CUEDC1: variants seen among roughly 807,000 people sequenced by gnomAD.
CUEDC1 encodes CUE domain-containing protein 1.
A neutral mutation model predicts 43.7 loss-of-function variants in CUEDC1; 30 were observed. The observed-to-expected ratio is 0.69, with a 90% CI of 0.51 to 0.93. The LOEUF is 0.93. CUEDC1 is among the 40% of genes least tolerant of loss of function. CUEDC1 has a pLI of 0.00. For missense variants in CUEDC1, 486 were observed against 549.0 expected, an observed-to-expected ratio of 0.89 and a Z score of 1.15; for synonymous variants, 223 against 223.6, an observed-to-expected ratio of 1.00 and a Z score of 0.02.
intron 1 of CUEDC1, among the ~76,000 whole-genome samples, chr17:57,921,670 C>T (rs1220862749): frequency 5.9e-5 from 9 of 152,198 alleles, no homozygotes; most frequent in Non-Finnish European, 5.9e-5. Context: ...CCTGTCTGGG[C>T]GCAGTGGCTG....
chr17:57,896,991 G>A (rs1462207061), intron 1 of CUEDC1, among the ~76,000 whole-genome samples: 1 of 151,814 alleles, frequency 6.6e-6, no homozygotes. Context: ...GGCTGGTCTC[G>A]AACTCCTGAC....
At chr17:57,906,574 C>T (rs2074531565) in intron 1 of CUEDC1, among the ~76,000 whole-genome samples, 1 of 152,132 alleles carries the variant, frequency 6.6e-6, no homozygotes, top group Non-Finnish European at 1.5e-5. Flanking sequence ...CTACTAAATG[C>T]CACTGAATTA....
chr17:57,938,178 T>C (rs2074880086), intron 1 of CUEDC1, among the ~76,000 whole-genome samples: 1 of 152,194 alleles, frequency 6.6e-6, no homozygotes, highest in Non-Finnish European at 1.5e-5. Context: ...ACAAGGACTT[T>C]GGTCTAGGGA....
chr17:57,878,760 G>T (rs2074164601), intron 3 of CUEDC1, among the ~76,000 whole-genome samples: 1 of 152,048 alleles, frequency 6.6e-6, no homozygotes. Flanking sequence ...TCCGCCTCCG[G>T]GGTTCAAGCG....
chr17:57,876,212 A>T (rs891130528), intron 3 of CUEDC1, among the ~76,000 whole-genome samples: 5 of 151,930 alleles, frequency 3.3e-5, no homozygotes, highest in African/African-American at 1.2e-4. Context: ...GCAAGAGAAG[A>T]CGGAAGCTCC....
intron 7 of CUEDC1, 99 bp downstream of exon 7, chr17:57,869,023 G>A: frequency 1.7e-6 from 2 of 1,206,086 alleles, no homozygotes; most frequent in South Asian, 1.3e-5. Flanking sequence ...CCAAGAGTCA[G>A]CTGCATTACA....
In CUEDC1 at chr17:57,869,130, ATG is replaced by A; in HGVS notation, c.930_931del (p.Met311GlyfsTer10). 6.2e-7 allele frequency: 1 copy of A among 1,613,962 alleles called. No individual in the cohort carries two copies. Among genetic ancestry groups the A allele is most frequent in the Non-Finnish European group, 8.5e-7 (1 of 1,179,956 alleles). ...GCCTGAGTGGGACTCACACTTTCCC[ATG>A]TGTTTCAGCTTGTCCCTGAATAAGG... On this transcript the variant is annotated frameshift_variant, in exon 7 of 11. Coordinates refer to ENST00000577830, the MANE Select transcript of CUEDC1 (RefSeq NM_001271875.2). LOFTEE classifies it high-confidence loss of function.
At chr17:57,911,589 G>A (rs571188697) in intron 1 of CUEDC1, among the ~76,000 whole-genome samples, 45 of 152,114 alleles carry the variant, frequency 3.0e-4, no homozygotes, top group Admixed American at 2.0e-3. Flanking sequence ...TGCAATCTCC[G>A]CCTCCCAGGT....
chr17:57,902,205 C>CAAAAAA (rs1428114103), intron 1 of CUEDC1, among the ~76,000 whole-genome samples: 1 of 148,798 alleles, frequency 6.7e-6, no homozygotes, highest in African/African-American at 2.5e-5. Flanking sequence ...AAAAAAAAAA[C>CAAAAAA]AAAAAACAAA....
intron 1 of CUEDC1, among the ~76,000 whole-genome samples, chr17:57,941,907 C>T (rs2074920224): frequency 6.6e-6 from 1 of 152,190 alleles, no homozygotes; most frequent in Non-Finnish European, 1.5e-5. Context: ...GGGACATTGT[C>T]TAAAAAAGCA....
chr17:57,915,244 T>C (rs1598006799), intron 1 of CUEDC1: 1 of 151,760 alleles, frequency 6.6e-6, no homozygotes, highest in East Asian at 1.9e-4. Flanking sequence ...GAAAGTTCAT[T>C]TCCTAGGACA....
In CUEDC1 at chr17:57,944,312, G is replaced by T. The variant is rs1019377614; in HGVS notation, c.-316+10913C>A. Among the ~76,000 whole-genome samples, 13 of 151,034 alleles carry T rather than the reference G, an allele frequency of 8.6e-5. No individual in the cohort carries two copies. In the South Asian group the frequency reaches 1.3e-3, roughly 15 times the overall value. On this transcript the variant is annotated intron_variant, in intron 1 of 10. Coordinates refer to ENST00000577830, the MANE Select transcript of CUEDC1 (RefSeq NM_001271875.2). ...TGCAACCTCTGCCTCCCAGGTTCAA[G>T]TGATTCTCCTGCCTCAGCCTCCTGC...
intron 1 of CUEDC1, among the ~76,000 whole-genome samples, chr17:57,891,627 C>T (rs1300772809): frequency 6.6e-6 from 1 of 152,240 alleles, no homozygotes; most frequent in Non-Finnish European, 1.5e-5. Context: ...TGCACGCACA[C>T]ATACAGACAG....
At chr17:57,889,016 G>A (rs909708374) in intron 1 of CUEDC1, among the ~76,000 whole-genome samples, 4 of 152,164 alleles carry the variant, frequency 2.6e-5, no homozygotes, top group African/African-American at 2.4e-5. Flanking sequence ...GCCTCTCTGA[G>A]TGTTGAGAAG....
intron 1 of CUEDC1, among the ~76,000 whole-genome samples, chr17:57,924,856 G>T (rs1359842460): frequency 2.0e-5 from 3 of 152,164 alleles, no homozygotes; most frequent in Admixed American, 6.5e-5. Flanking sequence ...TACACCAAGA[G>T]AACCCAAACA....
chr17:57,877,614 C>T (rs9898866), intron 3 of CUEDC1, among the ~76,000 whole-genome samples: 76,728 of 148,674 alleles, frequency 0.52, 21,711 homozygotes, highest in African/African-American at 0.74. Flanking sequence ...GGGATAGGCC[C>T]GGTGGCTTAT....
intron 2 of CUEDC1, among the ~76,000 whole-genome samples, chr17:57,880,358 C>T (rs376400352): frequency 3.3e-5 from 5 of 152,150 alleles, no homozygotes; most frequent in East Asian, 3.9e-4. Flanking sequence ...AAACTGAGGC[C>T]GAGGCTAAGT....
At chr17:57,864,593 G>A (rs1480632676) in intron 10 of CUEDC1, among the ~76,000 whole-genome samples, 2 of 152,144 alleles carry the variant, frequency 1.3e-5, no homozygotes, top group Admixed American at 6.5e-5. Flanking sequence ...GAGCTGCTGG[G>A]TGACCTCCGA....
chr17:57,913,512 A>G (rs1223978294), intron 1 of CUEDC1, among the ~76,000 whole-genome samples: 2 of 152,078 alleles, frequency 1.3e-5, no homozygotes, highest in Non-Finnish European at 2.9e-5. Context: ...ATTCTACTGA[A>G]TCAGAATTTC....
Sources: gnomAD v4.1 joint callset for allele counts (sites outside exome capture counted in the v4.1 genomes callset) on GRCh38, gnomAD v4.1.1 for gene constraint, MANE v1.5 for transcripts, NCBI Gene and HGNC (gene_info 2026-07-23, HGNC 2026-07-21) for gene names.